The following TSC22D2 variants were observed in gnomAD, a reference collection of about 807,000 sequenced individuals.
TSC22D2 encodes TSC22 domain family protein 2.
TSC22D2 carries 5 observed loss-of-function variants against 50.1 expected under a neutral mutation model. That is an observed-to-expected ratio of 0.10 (90% confidence interval 0.05 to 0.21). The LOEUF (loss-of-function observed/expected upper bound fraction) is 0.21, where lower values mean the gene tolerates loss of function less well. TSC22D2 is among the 10% of genes least tolerant of loss of function. The pLI, the probability that TSC22D2 is intolerant of heterozygous loss-of-function variation, is 1.00. For synonymous variants in TSC22D2, 501 were observed against 450.1 expected, an observed-to-expected ratio of 1.11 and a Z score of -1.43; for missense variants, 1,003 against 1,015.5, an observed-to-expected ratio of 0.99 and a Z score of 0.17.
intron 1 of TSC22D2, among the ~76,000 whole-genome samples, chr3:150,455,117 A>G (rs548587262): frequency 3.3e-5 from 5 of 152,334 alleles, no homozygotes; most frequent in African/African-American, 7.2e-5. Context: ...AAGTAATTCA[A>G]TCTTTCCTTG....
chr3:150,409,934 T>C lies in TSC22D2; in HGVS notation c.584T>C (p.Leu195Pro), dbSNP rs775635823. 3 of 1,613,968 alleles carry C rather than the reference T, an allele frequency of 1.9e-6. No individual in the cohort carries two copies. Among genetic ancestry groups the C allele is most frequent in the Non-Finnish European group, 2.5e-6 (3 of 1,180,028 alleles). ...GAGAGGGATTCAGACAGCAGCGTCC[T>C]GACTAGATCCGGGGATTGCATTAGA... ...YYERDSDSSV[L>P]TRSGDCIRHS... Residue 195 changes from leucine to proline, a missense_variant, in exon 1 of 3, where the codon CTG becomes CCG. By Grantham distance (98) the Leu-to-Pro change is moderately conservative. Around this residue, in one of 6 missense-constraint regions of TSC22D2, gnomAD observed 696 missense variants for 647.8 expected, o/e 1.07. Transcript: ENST00000688009. This position sits in a 1 kb window ranked among gnomAD's most constrained non-coding sequence, Gnocchi z 7.4.
chr3:150,433,535 G>C (rs544689862), intron 1 of TSC22D2, among the ~76,000 whole-genome samples: 1 of 152,226 alleles, frequency 6.6e-6, no homozygotes, highest in Non-Finnish European at 1.5e-5. Flanking sequence ...CACAGTATCG[G>C]AAGGGGAACA....
At chr3:150,437,677 A>G (rs760235015) in intron 1 of TSC22D2, among the ~76,000 whole-genome samples, 72 of 151,426 alleles carry the variant, frequency 4.8e-4, no homozygotes, top group Non-Finnish European at 8.8e-4. Context: ...GCGTGGTGGC[A>G]CGTGCCTGTA....
intron 1 of TSC22D2, among the ~76,000 whole-genome samples, chr3:150,419,045 C>G (rs1322187373): frequency 6.6e-6 from 1 of 151,938 alleles, no homozygotes; most frequent in African/African-American, 2.4e-5. Flanking sequence ...GATACTCTAC[C>G]AAAATTTGAT....
At chr3:150,411,850 C>T (rs535098839) in intron 1 of TSC22D2, among the ~76,000 whole-genome samples, 2 of 152,238 alleles carry the variant, frequency 1.3e-5, no homozygotes, top group Non-Finnish European at 1.5e-5. Flanking sequence ...ATACTTAGTT[C>T]AGCCTTTTGA....
At position 150,410,354 on chromosome 3, in the gene TSC22D2, C is replaced by G; in HGVS notation, c.1004C>G (p.Ala335Gly). The change falls in exon 1 of 3, where the codon GCT (alanine) becomes GGT (glycine). Residue 335 changes from alanine (A) to glycine (G), a missense_variant. Physicochemically the swap from Ala to Gly is moderately conservative, Grantham distance 60. This residue lies in a region of TSC22D2 where 696 missense variants were observed against 647.8 expected (regional missense o/e 1.07). Coordinates refer to ENST00000688009, the MANE Select transcript of TSC22D2 (RefSeq NM_001303264.2). ...ACGAATGTAACCCTGGCGCAGCCGG[C>G]TATGTCCCTGCCTCCGCAGCCGGGC... is the stretch of plus-strand genomic sequence containing the variant. ...PPTNVTLAQP[A>G]MSLPPQPGPA... is the part of the protein sequence containing the mutation. 6.3e-7 allele frequency: 1 copy of G among 1,598,600 alleles called. No individual in the cohort carries two copies. Among genetic ancestry groups the G allele is most frequent in the Non-Finnish European group, 8.5e-7 (1 of 1,172,824 alleles).
intron 1 of TSC22D2, among the ~76,000 whole-genome samples, chr3:150,415,863 A>G: frequency 6.6e-6 from 1 of 152,236 alleles, no homozygotes; most frequent in Non-Finnish European, 1.5e-5. Context: ...AAATAGTGAA[A>G]TATGGTACTG....
At chr3:150,448,256 G>T (rs1720941518) in intron 1 of TSC22D2, among the ~76,000 whole-genome samples, 1 of 151,940 alleles carries the variant, frequency 6.6e-6, no homozygotes, top group African/African-American at 2.4e-5. Flanking sequence ...TGGGAGGATT[G>T]CTTTAGCCTA....
intron 1 of TSC22D2, among the ~76,000 whole-genome samples, chr3:150,445,338 AATAATAATAATAATAAT>A (rs1720848402): frequency 6.7e-6 from 1 of 148,382 alleles, no homozygotes; most frequent in Non-Finnish European, 1.5e-5. Context: ...TAATAATAAT[AATAATAATAATAATAAT>A]AATAAGCCTT....
intron 1 of TSC22D2, among the ~76,000 whole-genome samples, chr3:150,424,399 A>G (rs1720108999): frequency 6.6e-6 from 1 of 152,202 alleles, no homozygotes; most frequent in Non-Finnish European, 1.5e-5. Flanking sequence ...TAATAAGAGT[A>G]GCTTTCAAAA....
At chr3:150,429,350 C>T (rs1720303755) in intron 1 of TSC22D2, among the ~76,000 whole-genome samples, 1 of 152,098 alleles carries the variant, frequency 6.6e-6, no homozygotes, top group Non-Finnish European at 1.5e-5. Context: ...TCTTCCTACC[C>T]AGGTGCCAAG....
At chr3:150,424,034 A>G (rs956155901) in intron 1 of TSC22D2, among the ~76,000 whole-genome samples, 2 of 152,200 alleles carry the variant, frequency 1.3e-5, no homozygotes, top group African/African-American at 4.8e-5. Context: ...GACATGATAC[A>G]CATTGCCTAG....
chr3:150,420,732 A>C (rs949698462), intron 1 of TSC22D2, among the ~76,000 whole-genome samples: 5 of 152,262 alleles, frequency 3.3e-5, no homozygotes, highest in Non-Finnish European at 7.3e-5. Flanking sequence ...ATTTACCTGG[A>C]ATATGAATTT....
chr3:150,441,803 C>T (rs1720725507), intron 1 of TSC22D2, among the ~76,000 whole-genome samples: 1 of 152,140 alleles, frequency 6.6e-6, no homozygotes, highest in South Asian at 2.1e-4. Context: ...TGTCTTCTTA[C>T]ATTCTTCATC....
chr3:150,418,261 TTCA>T (rs1719889966), intron 1 of TSC22D2, among the ~76,000 whole-genome samples: 1 of 151,852 alleles, frequency 6.6e-6, no homozygotes, highest in African/African-American at 2.4e-5. Flanking sequence ...CTCAGGCATT[TTCA>T]TCATCATGAA....
intron 1 of TSC22D2, among the ~76,000 whole-genome samples, chr3:150,432,961 A>C (rs1189012620): frequency 3.3e-5 from 5 of 152,156 alleles, no homozygotes. Flanking sequence ...AAATCAGGGA[A>C]TATATTAAAT....
In TSC22D2 at chr3:150,410,502, C is replaced by T. The variant is rs764399919; in HGVS notation, c.1152C>T (p.His384=). Residue 384 remains histidine (H), a synonymous_variant, in exon 1 of 3, where the codon CAC becomes CAT. Transcript: ENST00000688009. ...PSGQSEYLQQ[H]VAGLQPPSPA... ...GCCAGAGTGAGTACCTGCAGCAGCA[C>T]GTGGCCGGCCTGCAGCCGCCAAGCC... is the stretch of plus-strand genomic sequence containing the variant. 7 of 1,598,076 alleles carry T rather than the reference C, an allele frequency of 4.4e-6. No homozygotes were observed. In the South Asian group the frequency reaches 6.7e-5, roughly 15 times the overall value.
At chr3:150,428,663 A>G (rs1720278535) in intron 1 of TSC22D2, among the ~76,000 whole-genome samples, 1 of 151,958 alleles carries the variant, frequency 6.6e-6, no homozygotes, top group South Asian at 2.1e-4. Context: ...AGCAAGTGAC[A>G]GTGCTGCCAC....
rs1553734305 is a variant in TSC22D2 at position 150,460,208 on chromosome 3, C to CTGAT, written c.*1573_*1576dup. On this transcript the variant is annotated 3_prime_UTR_variant, in exon 3 of 3. Transcript: ENST00000688009. ...TTAAAGACCTGTTAATAATGACTTA[C>CTGAT]TGATAGTTCTTAAATTTTCAAAGTA... 6.6e-6 allele frequency: 1 copy of CTGAT among 152,128 alleles called. No homozygotes were observed. Among genetic ancestry groups the CTGAT allele is most frequent in the Non-Finnish European group, 1.5e-5 (1 of 68,020 alleles). The allele number at this position is 152,128 out of a possible 1,614,324, so 9.4% of individuals were successfully genotyped here.
Sources: gnomAD v4.1 joint callset for allele counts (sites outside exome capture counted in the v4.1 genomes callset) on GRCh38, gnomAD v4.1.1 for gene constraint, gnomAD v4.1.1 regional missense constraint, Gnocchi (gnomAD v3.1) non-coding constraint, MANE v1.5 for transcripts, NCBI Gene and HGNC (gene_info 2026-07-23, HGNC 2026-07-21) for gene names.